The following DDAH1 variants were observed in gnomAD, a reference collection of about 807,000 sequenced individuals.
DDAH1 encodes the protein N(G),N(G)-dimethylarginine dimethylaminohydrolase 1.
A neutral mutation model predicts 28.8 loss-of-function variants in DDAH1; 19 were observed. The ratio of observed to expected loss-of-function variants is 0.66; its 90% CI spans 0.46 to 0.97. The LOEUF is 0.97. DDAH1 is among the 50% of genes least tolerant of loss of function. The pLI is 0.00. For missense variants in DDAH1, 326 were observed against 375.9 expected (o/e 0.87, Z 1.10); for synonymous variants, 153 against 154.4 (o/e 0.99, Z 0.07).
chr1:85,333,117 C>T (rs947420705), intron 4 of DDAH1, among the ~76,000 whole-genome samples: 1 of 152,208 alleles, frequency 6.6e-6, no homozygotes, highest in Non-Finnish European at 1.5e-5. Context: ...AACAGCAGGG[C>T]CTGAGGACTG....
In DDAH1 at chr1:85,416,856, C is replaced by T. The variant is rs563422533; in HGVS notation, c.303+47887G>A. 3.3e-5 allele frequency among the ~76,000 whole-genome samples: 5 copies of T among 152,002 alleles called. No homozygotes were observed. The South Asian group carries it at 6.2e-4, about 19-fold the overall frequency. On this transcript the variant is annotated intron_variant, in intron 1 of 5. Coordinates refer to ENST00000284031, the MANE Select transcript of DDAH1 (RefSeq NM_012137.4). ...CTAATTTTTGTTTTTTTTGTAGAGA[C>T]GGGGTTTCGCCATGTTGCCCAGGCT...
intron 5 of DDAH1, among the ~76,000 whole-genome samples, chr1:85,321,901 C>T (rs1570365448): frequency 6.6e-6 from 1 of 152,136 alleles, no homozygotes; most frequent in Non-Finnish European, 1.5e-5. Context: ...TTTCTCTTCA[C>T]ACTTTATTTT....
upstream of DDAH1, among the ~76,000 whole-genome samples, chr1:85,465,555 G>A (rs1655345683): frequency 6.6e-6 from 1 of 152,170 alleles, no homozygotes; most frequent in Admixed American, 6.5e-5. Flanking sequence ...TGCTTACAAA[G>A]TCTAGCCCAC....
At chr1:85,419,305 G>A (rs551870864) in intron 1 of DDAH1, among the ~76,000 whole-genome samples, 1 of 152,044 alleles carries the variant, frequency 6.6e-6, no homozygotes, top group Admixed American at 6.5e-5. Flanking sequence ...TTGGGAGGCC[G>A]AGGTGGGCAG....
rs1405422676 is a variant in DDAH1 at position 85,357,983 on chromosome 1, C to G, written c.403+765G>C. ...CTGCTATTATCCATCTGGCATTAAGCCAAGTCAATTTGCATAGAAATTATT... is the reference window on the plus strand; with the variant it reads ...CTGCTATTATCCATCTGGCATTAAGGCAAGTCAATTTGCATAGAAATTATT... On this transcript the variant is annotated intron_variant, in intron 2 of 5. Coordinates refer to ENST00000284031, the MANE Select transcript of DDAH1 (RefSeq NM_012137.4). Among the ~76,000 whole-genome samples, 9 of 152,154 alleles carry G rather than the reference C, an allele frequency of 5.9e-5. No homozygotes were observed. In the East Asian group the frequency reaches 1.7e-3, roughly 29 times the overall value.
intron 1 of DDAH1, among the ~76,000 whole-genome samples, chr1:85,508,707 C>T (rs1233576373): frequency 6.6e-6 from 1 of 152,234 alleles, no homozygotes; most frequent in Admixed American, 6.5e-5. Context: ...CCCATGGATC[C>T]TTGCTCACTG....
chr1:85,352,621 T>C (rs570441061), intron 2 of DDAH1, among the ~76,000 whole-genome samples: 2 of 152,224 alleles, frequency 1.3e-5, no homozygotes, highest in African/African-American at 4.8e-5. Flanking sequence ...TGGCCAAAAA[T>C]TGGGCAATTA....
chr1:85,470,516 T>G (rs536338902), intron 2 of DDAH1, among the ~76,000 whole-genome samples: 7 of 152,190 alleles, frequency 4.6e-5, no homozygotes, highest in Non-Finnish European at 1.0e-4. Context: ...GGGTGGGAAT[T>G]CTCAAAGAGA....
exon 1 of DDAH1, chr1:85,578,086 C>T (rs1557778536): frequency 1.1e-6 from 1 of 884,674 alleles, no homozygotes; most frequent in Non-Finnish European, 1.4e-6. Flanking sequence ...GGTTTCTGGA[C>T]GGTCTTTGGG....
At chr1:85,538,555 C>CTTCTTGATG (rs1658363694) in intron 1 of DDAH1, among the ~76,000 whole-genome samples, 1 of 152,132 alleles carries the variant, frequency 6.6e-6, no homozygotes, top group African/African-American at 2.4e-5. Flanking sequence ...AGCATCAGTG[C>CTTCTTGATG]TGGATTACCC....
At chr1:85,458,939 A>C (rs1033815754) in intron 1 of DDAH1, among the ~76,000 whole-genome samples, 3 of 152,206 alleles carry the variant, frequency 2.0e-5, no homozygotes. Context: ...ATCTCCAGTC[A>C]AAAAATGAGG....
chr1:85,379,860 A>T (rs1650885747), intron 1 of DDAH1: 1 of 285,048 alleles, frequency 3.5e-6, no homozygotes, highest in Non-Finnish European at 5.3e-6. Context: ...ACTGGAAAGG[A>T]TCTTGAACCC....
At chr1:85,501,418 GC>G (rs985388472) in intron 1 of DDAH1, among the ~76,000 whole-genome samples, 14 of 152,172 alleles carry the variant, frequency 9.2e-5, no homozygotes, top group African/African-American at 3.4e-4. Context: ...CCAGTTTACA[GC>G]CCCCCAGTAG....
At chr1:85,375,436 A>G (rs1466647937) in intron 1 of DDAH1, among the ~76,000 whole-genome samples, 1 of 152,166 alleles carries the variant, frequency 6.6e-6, no homozygotes, top group African/African-American at 2.4e-5. Flanking sequence ...TTTTATAACT[A>G]AAAAGGATTT....
Sources: allele counts gnomAD v4.1 joint callset (sites outside exome capture counted in the v4.1 genomes callset), GRCh38; gene constraint gnomAD v4.1.1; transcripts MANE v1.5; gene names NCBI Gene and HGNC (gene_info 2026-07-23, HGNC 2026-07-21).